The following LRIG2 variants were observed in gnomAD, a reference collection of about 807,000 sequenced individuals.
LRIG2 encodes the protein leucine rich repeats and immunoglobulin like domains 2.
In LRIG2, 93 loss-of-function variants were observed where a neutral mutation model predicts 107.8. The ratio of observed to expected loss-of-function variants is 0.86; its 90% CI spans 0.73 to 1.03. The LOEUF (loss-of-function observed/expected upper bound fraction) is 1.03, where lower values mean the gene tolerates loss of function less well. LRIG2 is among the 50% of genes least tolerant of loss of function. LRIG2 has a pLI of 0.00. For synonymous variants in LRIG2, 471 were observed against 470.6 expected (o/e 1.00, Z -0.01); for missense variants, 1,226 against 1,296.0 (o/e 0.95, Z 0.83).
chr1:113,098,898 A>G lies in LRIG2; in HGVS notation c.1172+113A>G, dbSNP rs1654183132. On this transcript the variant is annotated intron_variant, in intron 9 of 17. Transcript: ENST00000361127. ...GGCTACAAAGTCTGAGCTTTCTGAC[A>G]CTCTGGGAGCTCTGTGGGGTTTCTT... 4 of 673,498 alleles carry G rather than the reference A, an allele frequency of 5.9e-6. No individual in the cohort carries two copies. In the Admixed American group the frequency reaches 7.5e-5, roughly 13 times the overall value. 41.7% of individuals were successfully genotyped at this position (673,498 alleles called of 1,614,324 possible).
At chr1:113,123,727 T>TTGTGTGTGTGTGTGTGTG (rs66524955) in intron 17 of LRIG2, 148 bp from the exon 18 acceptor site, 7 of 597,182 alleles carry the variant, frequency 1.2e-5, no homozygotes, top group African/African-American at 5.8e-5. Context: ...GTGGTGGTTT[T>TTGTGTGTGTGTGTGTGTG]TGTGTGTGTG....
chr1:113,111,182 T>G (rs1296417859), intron 13 of LRIG2, among the ~76,000 whole-genome samples: 1 of 152,182 alleles, frequency 6.6e-6, no homozygotes, highest in Non-Finnish European at 1.5e-5. Context: ...ATTACAGATG[T>G]GCGCCACCAG....
chr1:113,085,795 A>G (rs1472457630), intron 1 of LRIG2, among the ~76,000 whole-genome samples: 1 of 152,196 alleles, frequency 6.6e-6, no homozygotes, highest in African/African-American at 2.4e-5. Flanking sequence ...GTAGCCTGTT[A>G]CAGAAAGGAA....
chr1:113,079,684 G>GA (rs1305584315), intron 1 of LRIG2, among the ~76,000 whole-genome samples: 2 of 133,434 alleles, frequency 1.5e-5, no homozygotes, highest in East Asian at 2.4e-4. Context: ...AAAAAAAAAA[G>GA]AAAAAAAGAA....
At chr1:113,077,565 G>A (rs1206037606) in intron 1 of LRIG2, among the ~76,000 whole-genome samples, 1 of 152,002 alleles carries the variant, frequency 6.6e-6, no homozygotes, top group Non-Finnish European at 1.5e-5. Context: ...CATTATAATT[G>A]TTTAAAATTT....
At chr1:113,095,473 G>GTGA (rs1220605021) in intron 6 of LRIG2, among the ~76,000 whole-genome samples, 2 of 151,706 alleles carry the variant, frequency 1.3e-5, no homozygotes, top group Non-Finnish European at 2.9e-5. Flanking sequence ...CAGTGGCACA[G>GTGA]TCTCGGCTCA....
chr1:113,114,798 G>C lies in LRIG2; in HGVS notation c.2452G>C (p.Val818Leu). 1 of 1,614,168 alleles carries C rather than the reference G, an allele frequency of 6.2e-7. No homozygotes were observed. The highest frequency in any genetic ancestry group is 8.5e-7 in the Non-Finnish European group (1 of 1,180,042). ...CATCATTGTTGTGGTCTGCTGTGTT[G>C]TTGGCACTTCTTTGATCTGGGTCAT... ...IVIIVVVCCV[V>L]GTSLIWVIVI... The change falls in exon 15 of 18, where the codon GTT (valine) becomes CTT (leucine). Residue 818 changes from valine to leucine, a missense_variant. This residue lies in a region of LRIG2 where 642 missense variants were observed against 712.2 expected (regional missense o/e 0.90). Coordinates refer to ENST00000361127, the MANE Select transcript of LRIG2 (RefSeq NM_014813.3).
chr1:113,122,504 G>A (rs1655306888), intron 17 of LRIG2, among the ~76,000 whole-genome samples: 1 of 152,184 alleles, frequency 6.6e-6, no homozygotes. Flanking sequence ...TGCATCAACA[G>A]TAAATCCACT....
Position 113,114,546 on chromosome 1 carries a change from G to A in LRIG2, c.2200G>A (p.Gly734Arg). 2 of 1,614,070 alleles carry A rather than the reference G, an allele frequency of 1.2e-6. No individual in the cohort carries two copies. Among genetic ancestry groups the A allele is most frequent in the Non-Finnish European group, 1.7e-6 (2 of 1,180,010 alleles). The stretch of plus-strand genomic sequence containing the variant: ...TCGTCTCAACTGGACTAAAGATGAT[G>A]GGCCTTTGCTGGTGACAGAACGACA... Reference protein sequence around the residue: ...APRLNWTKDDGPLLVTERHFF... With the variant: ...APRLNWTKDDRPLLVTERHFF... The change falls in exon 15 of 18, where the codon GGG becomes AGG. Residue 734 changes from glycine to arginine, a missense_variant. Physicochemically the swap from Gly to Arg is moderately radical, Grantham distance 125. Transcript: ENST00000361127.
chr1:113,084,640 CAT>C (rs1653466260), intron 1 of LRIG2, among the ~76,000 whole-genome samples: 2 of 148,438 alleles, frequency 1.3e-5, no homozygotes. Flanking sequence ...AAAATCAGCA[CAT>C]GAGTAATCAA....
At chr1:113,102,726 A>G (rs1354202703) in intron 11 of LRIG2, among the ~76,000 whole-genome samples, 2 of 152,200 alleles carry the variant, frequency 1.3e-5, no homozygotes, top group African/African-American at 4.8e-5. Flanking sequence ...GAGGCAGATC[A>G]TAATAGACCA....
intron 13 of LRIG2, among the ~76,000 whole-genome samples, chr1:113,111,556 T>C (rs755498670): frequency 3.9e-5 from 6 of 152,204 alleles, no homozygotes; most frequent in Non-Finnish European, 5.9e-5. Context: ...CTCCCACTTA[T>C]AAGTGAGAAC....
intron 14 of LRIG2, 74 bp downstream of exon 14, chr1:113,112,834 A>T: frequency 7.1e-7 from 1 of 1,404,554 alleles, no homozygotes; most frequent in South Asian, 1.5e-5. Flanking sequence ...AATGAGCAAG[A>T]AAAATAAGTT....
chr1:113,085,370 G>A (rs747917135), intron 1 of LRIG2, among the ~76,000 whole-genome samples: 5 of 152,208 alleles, frequency 3.3e-5, no homozygotes, highest in Non-Finnish European at 5.9e-5. Context: ...CGCAACCTCC[G>A]CCTCCCGGGT....
intron 13 of LRIG2, among the ~76,000 whole-genome samples, chr1:113,111,313 G>A (rs969705649): frequency 6.6e-6 from 1 of 152,256 alleles, no homozygotes; most frequent in Non-Finnish European, 1.5e-5. Context: ...TCGGATTACA[G>A]GCATGAACCA....
chr1:113,084,577 G>A (rs971255963), intron 1 of LRIG2, among the ~76,000 whole-genome samples: 5 of 151,978 alleles, frequency 3.3e-5, no homozygotes, highest in East Asian at 3.9e-4. Flanking sequence ...AGAGATTAAC[G>A]TCCTAATTAT....
chr1:113,073,317 C>A lies in LRIG2; in HGVS notation c.-90C>A. 2 of 1,056,422 alleles carry A rather than the reference C, an allele frequency of 1.9e-6. No individual in the cohort carries two copies. The highest frequency in any genetic ancestry group is 1.4e-5 in the South Asian group (1 of 71,194). 65.4% of individuals were successfully genotyped at this position (1,056,422 alleles called of 1,614,324 possible). A position where few individuals can be genotyped will look rare whatever the true frequency, so the allele number is the denominator to read the frequency against. On this transcript the variant is annotated 5_prime_UTR_variant, in exon 1 of 18. An upstream open reading frame in the 5' UTR gains an earlier in-frame stop. Coordinates refer to ENST00000361127, the MANE Select transcript of LRIG2 (RefSeq NM_014813.3). ...TCAGCCGGGGCTTCGGGAGACAGTGCAGCCACCGAGCATCTCTGCTGAGCT... is the reference window on the plus strand; with the variant it reads ...TCAGCCGGGGCTTCGGGAGACAGTGAAGCCACCGAGCATCTCTGCTGAGCT...
rs796152001 is a variant in LRIG2, at chr1:113,126,026, C to G, written c.*1925C>G. On this transcript the variant is annotated 3_prime_UTR_variant, in exon 18 of 18. Transcript: ENST00000361127. ...AAATATTCCCCATGATGAACTCTTC[C>G]TACTATCACAATCAGGACTATGACT... The G allele has an allele frequency of 6.4e-4, 97 of 152,240 alleles. 1 individual carries two copies. The highest frequency in any genetic ancestry group is 2.2e-3 in the African/African-American group (92 of 41,556). The allele number at this position is 152,240 out of a possible 1,614,324, so 9.4% of individuals were successfully genotyped here. A position where few individuals can be genotyped will look rare whatever the true frequency, so the allele number is the denominator to read the frequency against.
chr1:113,112,777 A>T lies in LRIG2; in HGVS notation c.2080+17A>T. ...CAGTGTTAGGTACGTTTACTGCTCC[A>T]TGGGTCCCTGCTTTTGTTGGAGTCT... On this transcript the variant is annotated intron_variant, in intron 14 of 17. Coordinates refer to ENST00000361127, the MANE Select transcript of LRIG2 (RefSeq NM_014813.3). The T allele has an allele frequency of 6.3e-7, 1 of 1,575,328 alleles. No individual in the cohort carries two copies.
Sources: gnomAD v4.1 joint callset for allele counts (sites outside exome capture counted in the v4.1 genomes callset) on GRCh38, gnomAD v4.1.1 for gene constraint, gnomAD v4.1.1 regional missense constraint, MANE v1.5 for transcripts, NCBI Gene and HGNC (gene_info 2026-07-23, HGNC 2026-07-21) for gene names.